The following ARHGAP6 variants were observed in gnomAD, a reference collection of about 807,000 sequenced individuals.
The protein encoded by ARHGAP6 is rho GTPase-activating protein 6.
Under a neutral mutation model 55.7 loss-of-function variants are expected in ARHGAP6, and 16 were observed. The observed-to-expected ratio is 0.29, with a 90% CI of 0.19 to 0.44. ARHGAP6 has a LOEUF of 0.44. Ranked by LOEUF, ARHGAP6 falls within the 20% of genes least tolerant of loss-of-function variation. The probability of loss-of-function intolerance (pLI) is 1.00; values close to 1 mark genes in which losing one functional copy is unlikely to be tolerated. For missense variants in ARHGAP6, 698 were observed against 808.9 expected, an observed-to-expected ratio of 0.86 and a Z score of 1.66; for synonymous variants, 382 against 360.9, an observed-to-expected ratio of 1.06 and a Z score of -0.66.
rs188622254 is a variant in ARHGAP6 at position 11,654,627 on chromosome X, C to A, written c.588+9614G>T. 1.1e-3 allele frequency among the ~76,000 whole-genome samples: 118 copies of A among 111,782 alleles called. No individual in the cohort carries two copies. In the Admixed American group the frequency reaches 0.011, roughly 11 times the overall value. ...ATCTCTGCCTCTCTGAAAAAGCAAT[C>A]TTTTAATAGCTTCTCTGTGCTTGCT... On this transcript the variant is annotated intron_variant, in intron 1 of 12. Transcript: ENST00000337414.
intron 1 of ARHGAP6, among the ~76,000 whole-genome samples, chrX:11,487,677 C>A (rs1162232794): frequency 8.9e-6 from 1 of 111,790 alleles, no homozygotes; most frequent in Non-Finnish European, 1.9e-5. Flanking sequence ...ATCAGGCAAC[C>A]TTATCCCACT....
chrX:11,400,038 G>A (rs756852907), intron 1 of ARHGAP6, among the ~76,000 whole-genome samples: 3 of 111,951 alleles, frequency 2.7e-5, no homozygotes, highest in Non-Finnish European at 5.6e-5. Flanking sequence ...TATGGGGACA[G>A]AAAGTAATTA....
intron 1 of ARHGAP6, among the ~76,000 whole-genome samples, chrX:11,343,255 C>A (rs998607663): frequency 8.0e-5 from 9 of 112,271 alleles, no homozygotes; most frequent in African/African-American, 2.9e-4. Context: ...AGTGAACTGG[C>A]ATCCCTTCAT....
At chrX:11,456,748 T>C (rs2050197448) in intron 1 of ARHGAP6, among the ~76,000 whole-genome samples, 1 of 112,537 alleles carries the variant, frequency 8.9e-6, no homozygotes, top group Admixed American at 9.4e-5. Flanking sequence ...GTGTTCAACA[T>C]AATTAATTCA....
At chrX:11,245,225 A>C (rs958718171) in intron 2 of ARHGAP6, among the ~76,000 whole-genome samples, 1 of 112,040 alleles carries the variant, frequency 8.9e-6, no homozygotes, top group African/African-American at 3.2e-5. Context: ...TTGACTAGGA[A>C]CTACTCGATG....
intron 1 of ARHGAP6, among the ~76,000 whole-genome samples, chrX:11,308,230 C>T (rs183831334): frequency 8.9e-6 from 1 of 112,068 alleles, no homozygotes; most frequent in African/African-American, 3.2e-5. Flanking sequence ...GCAGCTTTTA[C>T]TTGTAGCTAT....
At chrX:11,488,433 T>A (rs180879281) in intron 1 of ARHGAP6, among the ~76,000 whole-genome samples, 26 of 112,093 alleles carry the variant, frequency 2.3e-4, no homozygotes, top group Admixed American at 6.6e-4. Context: ...ATTTAAAGTA[T>A]CTTTAATCAC....
chrX:11,615,454 C>T (rs1350171710), intron 1 of ARHGAP6, among the ~76,000 whole-genome samples: 1 of 111,624 alleles, frequency 9.0e-6, no homozygotes, highest in Non-Finnish European at 1.9e-5. Context: ...AAGTAATTTG[C>T]AGAATATCTC....
intron 1 of ARHGAP6, among the ~76,000 whole-genome samples, chrX:11,503,173 G>A (rs1304151572): frequency 9.0e-6 from 1 of 111,523 alleles, no homozygotes; most frequent in Non-Finnish European, 1.9e-5. Flanking sequence ...TGAGATTACA[G>A]GTGTGAGCCA....
chrX:11,183,759 T>C (rs1454894991), intron 5 of ARHGAP6, among the ~76,000 whole-genome samples: 1 of 111,939 alleles, frequency 8.9e-6, no homozygotes, highest in Non-Finnish European at 1.9e-5. Flanking sequence ...TTTTATTTTC[T>C]GTAAAGAGAT....
intron 1 of ARHGAP6, among the ~76,000 whole-genome samples, chrX:11,643,293 T>C (rs1218332453): frequency 2.7e-5 from 3 of 112,110 alleles, no homozygotes; most frequent in Non-Finnish European, 5.7e-5. Context: ...CTACAAATAG[T>C]GTATTTAATA....
intron 1 of ARHGAP6, among the ~76,000 whole-genome samples, chrX:11,612,306 C>A (rs1282952217): frequency 2.7e-5 from 3 of 112,337 alleles, no homozygotes; most frequent in African/African-American, 9.7e-5. Context: ...GATGTCCAAA[C>A]TGACTAAGGT....
intron 1 of ARHGAP6, among the ~76,000 whole-genome samples, chrX:11,368,949 G>A (rs1038171153): frequency 9.0e-6 from 1 of 111,544 alleles, no homozygotes; most frequent in African/African-American, 3.3e-5. Context: ...TAAGACTTAG[G>A]TGCCCATATG....
At chrX:11,495,696 C>A (rs925510605) in intron 1 of ARHGAP6, among the ~76,000 whole-genome samples, 1 of 111,945 alleles carries the variant, frequency 8.9e-6, no homozygotes, top group African/African-American at 3.2e-5. Context: ...TATGCCCCTA[C>A]CCAATCTCTT....
rs191911110 is a variant in ARHGAP6, at chrX:11,420,180, A to G, written c.589-165473T>C. Reference sequence around the variant, plus strand: ...AAGTATCCCATATTCACATCCAAGTAGTCACCACAAAGATAGTGAAAGCAG... The same window carrying G: ...AAGTATCCCATATTCACATCCAAGTGGTCACCACAAAGATAGTGAAAGCAG... On this transcript the variant is annotated intron_variant, in intron 1 of 12. Coordinates refer to ENST00000337414, the MANE Select transcript of ARHGAP6 (RefSeq NM_013427.3). Among the ~76,000 whole-genome samples, 46 of 112,164 alleles carry G rather than the reference A, an allele frequency of 4.1e-4. No individual in the cohort carries two copies. The East Asian group carries it at 0.012, about 30-fold the overall frequency.
intron 1 of ARHGAP6, among the ~76,000 whole-genome samples, chrX:11,613,866 T>C (rs1435031685): frequency 1.8e-5 from 2 of 112,087 alleles, no homozygotes; most frequent in Admixed American, 9.4e-5. Context: ...GAGTTACATG[T>C]ACAAAGAAAA....
intron 1 of ARHGAP6, among the ~76,000 whole-genome samples, chrX:11,568,723 C>T (rs2051477050): frequency 9.5e-6 from 1 of 105,278 alleles, no homozygotes; most frequent in South Asian, 4.4e-4. Context: ...CGCCACTGCA[C>T]TCCAGCCTGG....
At chrX:11,579,830 T>C (rs2051644970) in intron 1 of ARHGAP6, among the ~76,000 whole-genome samples, 1 of 112,156 alleles carries the variant, frequency 8.9e-6, no homozygotes. Context: ...GGTACGAGAC[T>C]CAGCACTTGT....
At chrX:11,307,193 T>G (rs2048247130) in intron 1 of ARHGAP6, among the ~76,000 whole-genome samples, 1 of 110,807 alleles carries the variant, frequency 9.0e-6, no homozygotes, top group South Asian at 4.0e-4. Context: ...CTATCTTCCT[T>G]CCCAGACAGC....
Sources: gnomAD v4.1 joint callset for allele counts (sites outside exome capture counted in the v4.1 genomes callset) on GRCh38, gnomAD v4.1.1 for gene constraint, MANE v1.5 for transcripts, NCBI Gene and HGNC (gene_info 2026-07-23, HGNC 2026-07-21) for gene names.